The following TMEM135 variants were observed in gnomAD, a reference collection of about 807,000 sequenced individuals.
TMEM135 encodes transmembrane protein 135.
In TMEM135, 30 loss-of-function variants were observed where a neutral mutation model predicts 60.3. That is an observed-to-expected ratio of 0.50 (90% CI 0.37 to 0.68). The LOEUF (loss-of-function observed/expected upper bound fraction) is 0.68, where lower values mean the gene tolerates loss of function less well. Among genes scored for constraint, TMEM135 ranks in the 30% least tolerant of loss-of-function variants. TMEM135 has a pLI of 0.00. For synonymous variants in TMEM135, 190 were observed against 186.7 expected, an observed-to-expected ratio of 1.02 and a Z score of -0.14; for missense variants, 468 against 548.8, an observed-to-expected ratio of 0.85 and a Z score of 1.47.
At chr11:87,179,591 G>A (rs999263361) in intron 5 of TMEM135, among the ~76,000 whole-genome samples, 4 of 151,946 alleles carry the variant, frequency 2.6e-5, no homozygotes, top group Non-Finnish European at 1.5e-5. Context: ...TTTTAAATAC[G>A]GTTTGAGGTG....
chr11:87,326,062 C>G lies in TMEM135; in HGVS notation c.*4729C>G, dbSNP rs759392388. Reference sequence around the variant, plus strand: ...AGTTTATACTTCTTTCTTTAGCTCACAAACTACTATAGCTTGCCTGTTCAG... The same window carrying G: ...AGTTTATACTTCTTTCTTTAGCTCAGAAACTACTATAGCTTGCCTGTTCAG... On this transcript the variant is annotated 3_prime_UTR_variant, in exon 15 of 15. Coordinates refer to ENST00000305494, the MANE Select transcript of TMEM135 (RefSeq NM_022918.4). The G allele has an allele frequency of 3.7e-4, 167 of 453,622 alleles. 1 individual carries two copies. The highest frequency in any genetic ancestry group is 7.9e-5 in the Non-Finnish European group (18 of 226,704). 28.1% of individuals were successfully genotyped at this position (453,622 alleles called of 1,614,324 possible).
At chr11:87,058,311 A>G in intron 1 of TMEM135, among the ~76,000 whole-genome samples, 1 of 148,636 alleles carries the variant, frequency 6.7e-6, no homozygotes, top group East Asian at 2.0e-4. Flanking sequence ...TGTTACAACA[A>G]ATAATTCTGC....
chr11:87,183,878 C>T (rs776849284), intron 5 of TMEM135, among the ~76,000 whole-genome samples: 2 of 147,084 alleles, frequency 1.4e-5, no homozygotes, highest in African/African-American at 2.5e-5. Context: ...ATCGCTTGAA[C>T]CTGGGAGGTG....
intron 2 of TMEM135, among the ~76,000 whole-genome samples, chr11:87,071,124 C>T (rs1220146265): frequency 6.6e-6 from 1 of 152,128 alleles, no homozygotes; most frequent in African/African-American, 2.4e-5. Context: ...GGAGTGTTAC[C>T]CATTAGTTGT....
At chr11:87,209,222 G>A (rs1438653890) in intron 5 of TMEM135, among the ~76,000 whole-genome samples, 1 of 152,064 alleles carries the variant, frequency 6.6e-6, no homozygotes, top group Non-Finnish European at 1.5e-5. Flanking sequence ...TAATGTCAAT[G>A]GGCTGAATGC....
chr11:87,298,795 A>AAAAAAC lies in TMEM135; in HGVS notation c.551+2977_551+2978insCAAAAA, dbSNP rs1411088273. Among the ~76,000 whole-genome samples the AAAAAAC allele has an allele frequency of 2.4e-4, 35 of 148,810 alleles. 1 individual carries two copies. In the South Asian group the frequency reaches 7.5e-3, roughly 32 times the overall value. The stretch of plus-strand genomic sequence containing the variant: ...GAGTGAGACTCTGTCTCAAAAAAAA[A>AAAAAAC]AAAAAAAAACAGCCGGGCACAGTGG... On this transcript the variant is annotated intron_variant, in intron 7 of 14. Coordinates refer to ENST00000305494, the MANE Select transcript of TMEM135 (RefSeq NM_022918.4).
intron 4 of TMEM135, among the ~76,000 whole-genome samples, chr11:87,122,669 C>T (rs567728801): frequency 2.0e-5 from 3 of 152,146 alleles, no homozygotes; most frequent in Non-Finnish European, 2.9e-5. Context: ...CCATGTTGGC[C>T]AGGCTGATCT....
At chr11:87,318,092 C>A in intron 12 of TMEM135, 45 bp from the exon 13 acceptor site, 1 of 1,467,994 alleles carries the variant, frequency 6.8e-7, no homozygotes, top group Non-Finnish European at 9.5e-7. Flanking sequence ...GTTTTTAATG[C>A]TGAGGTTTTT....
chr11:87,053,315 T>C (rs115490508), intron 1 of TMEM135, among the ~76,000 whole-genome samples: 2,515 of 147,376 alleles, frequency 0.017, 44 homozygotes, highest in African/African-American at 0.04. Context: ...ATATGGATAC[T>C]TTTTTTATTG....
chr11:87,213,629 GTT>G (rs1207955240), intron 5 of TMEM135, among the ~76,000 whole-genome samples: 5 of 152,132 alleles, frequency 3.3e-5, no homozygotes, highest in African/African-American at 4.8e-5. Context: ...GGTAGTTTCT[GTT>G]TTGTTCTTCC....
chr11:87,100,029 G>T lies in TMEM135; in HGVS notation c.396+8634G>T, dbSNP rs549742179. Among the ~76,000 whole-genome samples the T allele has an allele frequency of 1.1e-4, 16 of 152,162 alleles. No individual in the cohort carries two copies. In the South Asian group the frequency reaches 3.3e-3, roughly 32 times the overall value. On this transcript the variant is annotated intron_variant, in intron 4 of 14. Coordinates refer to ENST00000305494, the MANE Select transcript of TMEM135 (RefSeq NM_022918.4). ...TCCTGAGTGGTGGCTGTATCGTTTTGTTAGGGTTCCCAACGTAGAAGAAAC... is the reference window on the plus strand; with the variant it reads ...TCCTGAGTGGTGGCTGTATCGTTTTTTTAGGGTTCCCAACGTAGAAGAAAC...
Position 87,322,153 on chromosome 11 carries a change from T to C in TMEM135, c.*820T>C, listed in dbSNP as rs1942833629. On this transcript the variant is annotated 3_prime_UTR_variant, in exon 15 of 15. Coordinates refer to ENST00000305494, the MANE Select transcript of TMEM135 (RefSeq NM_022918.4). ...AACTTTTAAACTTCCTATAGGTTTA[T>C]GATGTTTGTTTTCATTTATATGGAC... 2.2e-6 allele frequency: 1 copy of C among 454,356 alleles called. No individual in the cohort carries two copies. Among genetic ancestry groups the C allele is most frequent in the South Asian group, 1.6e-5 (1 of 64,458 alleles). 28.1% of individuals were successfully genotyped at this position (454,356 alleles called of 1,614,324 possible).
intron 4 of TMEM135, among the ~76,000 whole-genome samples, chr11:87,106,819 G>A (rs1269865388): frequency 6.6e-6 from 1 of 152,128 alleles, no homozygotes; most frequent in East Asian, 1.9e-4. Context: ...TTGGCTAATG[G>A]TTCTGCAGGC....
At chr11:87,200,006 G>A (rs1940057914) in intron 5 of TMEM135, among the ~76,000 whole-genome samples, 1 of 152,140 alleles carries the variant, frequency 6.6e-6, no homozygotes. Context: ...GAATCTTTTA[G>A]CACTGTAAAC....
In TMEM135 at chr11:87,236,787, A is replaced by AAG. The variant is rs1401657048; in HGVS notation, c.509+104_509+105dup. ...TATTCTCCAAATAATTATCCCTTACAAGCAGCATACTCCCCCCGCACCCCC... is the reference window on the plus strand; with the variant it reads ...TATTCTCCAAATAATTATCCCTTACAAGAGCAGCATACTCCCCCCGCACCCCC... On this transcript the variant is annotated intron_variant, in intron 6 of 14. Coordinates refer to ENST00000305494, the MANE Select transcript of TMEM135 (RefSeq NM_022918.4). 1.7e-6 allele frequency: 2 copies of AAG among 1,170,676 alleles called. 1 individual carries two copies. Among genetic ancestry groups the AAG allele is most frequent in the Admixed American group, 3.6e-5 (2 of 56,080 alleles). The allele number at this position is 1,170,676 out of a possible 1,614,324, so 72.5% of individuals were successfully genotyped here.
chr11:87,267,575 T>G (rs1022631561), intron 6 of TMEM135, among the ~76,000 whole-genome samples: 4 of 152,228 alleles, frequency 2.6e-5, no homozygotes, highest in African/African-American at 9.6e-5. Flanking sequence ...GTTTATTTCT[T>G]TTTTTATTTG....
rs1021465981 is a variant in TMEM135, at chr11:87,328,188, T to C, written c.*6855T>C. ...ATATTCCAATTCTGTATAGATCAGA[T>C]CTCAGTTTCATTTCCCATTATATCC... On this transcript the variant is annotated 3_prime_UTR_variant, in exon 15 of 15. Transcript: ENST00000305494. 18 of 453,990 alleles carry C rather than the reference T, an allele frequency of 4.0e-5. No homozygotes were observed. The highest frequency in any genetic ancestry group is 7.0e-5 in the Admixed American group (3 of 42,558). 28.1% of individuals were successfully genotyped at this position (453,990 alleles called of 1,614,324 possible).
intron 6 of TMEM135, among the ~76,000 whole-genome samples, chr11:87,241,858 A>ATTT (rs1392473292): frequency 6.7e-6 from 1 of 149,412 alleles, no homozygotes; most frequent in Non-Finnish European, 1.5e-5. Context: ...TTAAAAAAAA[A>ATTT]TTTATTATTA....
intron 4 of TMEM135, among the ~76,000 whole-genome samples, chr11:87,142,269 C>A (rs1012135021): frequency 2.0e-5 from 3 of 152,070 alleles, no homozygotes; most frequent in African/African-American, 7.2e-5. Context: ...GCTGAAGCTA[C>A]TGTGGAAATC....
Sources: gnomAD v4.1 joint callset for allele counts (sites outside exome capture counted in the v4.1 genomes callset) on GRCh38, gnomAD v4.1.1 for gene constraint, MANE v1.5 for transcripts, NCBI Gene and HGNC (gene_info 2026-07-23, HGNC 2026-07-21) for gene names.